The following PODN variants were observed in gnomAD, a reference collection of about 807,000 sequenced individuals.
The protein encoded by PODN is podocan.
Under a neutral mutation model 52.7 loss-of-function variants are expected in PODN, and 40 were observed. That is an observed-to-expected ratio of 0.76 (90% CI 0.59 to 0.99). PODN has a LOEUF of 0.99. PODN is among the 50% of genes least tolerant of loss of function. The pLI is 0.00. For synonymous variants in PODN, 396 were observed against 377.9 expected (o/e 1.05, Z -0.56); for missense variants, 720 against 815.1 (o/e 0.88, Z 1.42).
chr1:53,070,238 G>A, intron 2 of PODN, 71 bp downstream of exon 2: 1 of 1,578,394 alleles, frequency 6.3e-7, no homozygotes, highest in African/African-American at 1.4e-5. Flanking sequence ...CCAGAACCCT[G>A]ACACTCCAAG....
intron 3 of PODN, among the ~76,000 whole-genome samples, chr1:53,073,947 C>T (rs192398530): frequency 2.1e-4 from 32 of 152,362 alleles, no homozygotes; most frequent in South Asian, 1.0e-3. Flanking sequence ...TCGGCTCAGC[C>T]GCCTCTCTCG....
chr1:53,083,328 A>G (rs1644320881), intron 10 of PODN, among the ~76,000 whole-genome samples: 1 of 152,184 alleles, frequency 6.6e-6, no homozygotes, highest in Non-Finnish European at 1.5e-5. Flanking sequence ...ATGCCCCGAC[A>G]CACACATGCA....
rs1420500430 is a variant in PODN at position 53,077,178 on chromosome 1, C to T, written c.582-12C>T. 1 of 1,612,352 alleles carries T rather than the reference C, an allele frequency of 6.2e-7. No individual in the cohort carries two copies. The highest frequency in any genetic ancestry group is 2.2e-5 in the East Asian group (1 of 44,884). ...AGCCCAGGTGGGTGAGGACCTGTGC[C>T]TTGACCCCCAGGTCTGTGTACCTGC... On this transcript the variant is annotated splice_polypyrimidine_tract_variant and intron_variant, in intron 5 of 10. Coordinates refer to ENST00000312553, the MANE Select transcript of PODN (RefSeq NM_153703.5).
At position 53,078,616 on chromosome 1, in the gene PODN, A is replaced by T; in HGVS notation, c.1106A>T (p.Asn369Ile). 6.2e-7 allele frequency: 1 copy of T among 1,613,060 alleles called. No homozygotes were observed. Reference protein sequence around the residue: ...KRLHTVHLYNNALERVPSGLP... With the variant: ...KRLHTVHLYNIALERVPSGLP... ...TTGCACACGGTGCACCTGTACAACAACGCGCTGGAGCGCGTGCCCAGTGGC... is the reference window on the plus strand; with the variant it reads ...TTGCACACGGTGCACCTGTACAACATCGCGCTGGAGCGCGTGCCCAGTGGC... The change falls in exon 8 of 11, where the codon AAC (asparagine) becomes ATC (isoleucine). Residue 369 changes from asparagine to isoleucine, a missense_variant. Physicochemically the swap from Asn to Ile is moderately radical, Grantham distance 149. Coordinates refer to ENST00000312553, the MANE Select transcript of PODN (RefSeq NM_153703.5).
chr1:53,067,345 C>T (rs1300525638), intron 1 of PODN, among the ~76,000 whole-genome samples: 3 of 152,034 alleles, frequency 2.0e-5, no homozygotes, highest in African/African-American at 7.2e-5. Flanking sequence ...ACGCTGCCCC[C>T]TCACCCCCAG....
rs761572652 is a variant in PODN at position 53,078,423 on chromosome 1, G to A, written c.913G>A (p.Ala305Thr). 21 of 1,613,416 alleles carry A rather than the reference G, an allele frequency of 1.3e-5. No homozygotes were observed. The highest frequency in any genetic ancestry group is 1.1e-5 in the South Asian group (1 of 91,086). Residue 305 changes from alanine (A) to threonine (T), a missense_variant, in exon 8 of 11, where the codon GCT becomes ACT. Coordinates refer to ENST00000312553, the MANE Select transcript of PODN (RefSeq NM_153703.5). Reference sequence around the variant, plus strand: ...CAGCAACAACCTGTCTCGGGTCCCAGCTGGGCTGCCGCGCAGCCTGGTGCT... The same window carrying A: ...CAGCAACAACCTGTCTCGGGTCCCAACTGGGCTGCCGCGCAGCCTGGTGCT... The part of the protein sequence containing the change: ...LSSNNLSRVP[A>T]GLPRSLVLLH...
At chr1:53,077,491 G>A in intron 6 of PODN, 145 bp downstream of exon 6, 1 of 1,325,906 alleles carries the variant, frequency 7.5e-7, no homozygotes, top group Non-Finnish European at 1.0e-6. Flanking sequence ...GGAGTCTACT[G>A]TGGAGAAGTG....
chr1:53,084,413 A>C (rs1644333675), intron 10 of PODN, 100 bp from the exon 11 acceptor site: 1 of 152,028 alleles, frequency 6.6e-6, no homozygotes, highest in Non-Finnish European at 1.5e-5. Flanking sequence ...GCCTTTCCAG[A>C]GCCCCCTCCA....
chr1:53,076,521 G>A (rs1644197400), intron 5 of PODN, among the ~76,000 whole-genome samples: 1 of 152,170 alleles, frequency 6.6e-6, no homozygotes, highest in African/African-American at 2.4e-5. Flanking sequence ...TGTCACAGAT[G>A]ACCCTTGTTC....
chr1:53,080,998 C>A, intron 9 of PODN, 122 bp downstream of exon 9: 2 of 1,350,344 alleles, frequency 1.5e-6, no homozygotes, highest in Non-Finnish European at 2.0e-6. Flanking sequence ...CGGCTCAGAT[C>A]TCAAGGGTGG....
In PODN at chr1:53,071,369, C is replaced by T. The variant is rs1572263499; in HGVS notation, c.313-166C>T. On this transcript the variant is annotated intron_variant, in intron 2 of 10. Coordinates refer to ENST00000312553, the MANE Select transcript of PODN (RefSeq NM_153703.5). ...TGTGCCCCAGAGCCCATATGCAGAC[C>T]TGGCCCAGAGCTGGCACCGGGGGTC... 6.4e-6 allele frequency: 4 copies of T among 627,486 alleles called. No individual in the cohort carries two copies. In the East Asian group the frequency reaches 1.1e-4, roughly 18 times the overall value. The allele number at this position is 627,486 out of a possible 1,614,324, so 38.9% of individuals were successfully genotyped here.
chr1:53,079,987 G>A (rs887258720), intron 8 of PODN, among the ~76,000 whole-genome samples: 4 of 128,796 alleles, frequency 3.1e-5, no homozygotes, highest in African/African-American at 8.8e-5. Flanking sequence ...AGAGTGAGAC[G>A]CTGTCTCAAA....
intron 1 of PODN, chr1:53,066,693 A>C: frequency 1.2e-6 from 1 of 860,638 alleles, no homozygotes; most frequent in Non-Finnish European, 1.8e-6. Flanking sequence ...TTTGCCACTT[A>C]ACAGCTGTTC....
chr1:53,067,011 A>T, intron 1 of PODN: 1 of 753,826 alleles, frequency 1.3e-6, no homozygotes, highest in Middle Eastern at 3.0e-4. Context: ...CAGATGGGCA[A>T]GTGGCTAATG....
chr1:53,069,737 T>C (rs1298286056), intron 1 of PODN, 64 bp from the exon 2 acceptor site: 3 of 1,511,282 alleles, frequency 2.0e-6, no homozygotes, highest in Non-Finnish European at 2.6e-6. Flanking sequence ...GGGCCCTGCT[T>C]TGTGCTCGGG....
chr1:53,072,636 C>T (rs1644135753), intron 3 of PODN, among the ~76,000 whole-genome samples: 1 of 152,246 alleles, frequency 6.6e-6, no homozygotes, highest in African/African-American at 2.4e-5. Context: ...GGACTTGAGA[C>T]TCAAAGGTCT....
chr1:53,076,754 G>C (rs1414531726), intron 5 of PODN, among the ~76,000 whole-genome samples: 1 of 152,000 alleles, frequency 6.6e-6, no homozygotes, highest in Admixed American at 6.6e-5. Context: ...CCTCCTCTGA[G>C]ACAGGCCCTG....
In PODN at chr1:53,078,479, C is replaced by A. The variant is rs183323876; in HGVS notation, c.969C>A (p.Ser323Arg). 1.9e-6 allele frequency: 3 copies of A among 1,613,306 alleles called. No homozygotes were observed. Among genetic ancestry groups the A allele is most frequent in the Non-Finnish European group, 1.7e-6 (2 of 1,180,046 alleles). ...ACTTGGAGAAGAACGCCATCCGGAG[C>A]GTGGACGCGAATGTGCTGACCCCCA... is the stretch of plus-strand genomic sequence containing the variant. ...LLHLEKNAIRSVDANVLTPIR... is the reference protein window; with the variant it reads ...LLHLEKNAIRRVDANVLTPIR... Residue 323 changes from serine to arginine, a missense_variant, in exon 8 of 11, where the codon AGC becomes AGA. Coordinates refer to ENST00000312553, the MANE Select transcript of PODN (RefSeq NM_153703.5).
chr1:53,075,617 C>G (rs556722317), intron 4 of PODN, among the ~76,000 whole-genome samples: 1 of 152,204 alleles, frequency 6.6e-6, no homozygotes, highest in South Asian at 2.1e-4. Context: ...CGGGATGAAC[C>G]CAGGAGGACG....
Sources: allele counts gnomAD v4.1 joint callset (sites outside exome capture counted in the v4.1 genomes callset), GRCh38; gene constraint gnomAD v4.1.1; transcripts MANE v1.5; gene names NCBI Gene and HGNC (gene_info 2026-07-23, HGNC 2026-07-21).